SYNE1: variants seen among roughly 807,000 people sequenced by gnomAD.
SYNE1 encodes nesprin-1.
Under a neutral mutation model 1,111.0 loss-of-function variants are expected in SYNE1, and 616 were observed. The observed-to-expected ratio is 0.55, with a 90% CI of 0.52 to 0.59. SYNE1 has a LOEUF of 0.59. SYNE1 is among the 20% of genes least tolerant of loss of function. The pLI, the probability that SYNE1 is intolerant of heterozygous loss-of-function variation, is 0.00. For missense variants in SYNE1, 10,006 were observed against 10,417.0 expected, an observed-to-expected ratio of 0.96 and a Z score of 1.72; for synonymous variants, 3,855 against 3,825.8, an observed-to-expected ratio of 1.01 and a Z score of -0.28.
chr6:152,441,065 G>A (rs2098525384), intron 32 of SYNE1, 65 bp downstream of exon 32: 2 of 1,579,576 alleles, frequency 1.3e-6, no homozygotes, highest in Admixed American at 1.7e-5. Flanking sequence ...TAATGGAGGA[G>A]AAATCATTTT....
intron 14 of SYNE1, 40 bp from the exon 15 acceptor site, chr6:152,472,453 T>C: frequency 6.4e-7 from 1 of 1,568,862 alleles, no homozygotes; most frequent in Non-Finnish European, 8.8e-7. Context: ...ATGAAAAACA[T>C]GTTTCACAGA....
In SYNE1 at chr6:152,628,445, T is replaced by G. The variant is rs2099690575; in HGVS notation, c.-114A>C. 7 of 1,068,866 alleles carry G rather than the reference T, an allele frequency of 6.5e-6. No individual in the cohort carries two copies. The highest frequency in any genetic ancestry group is 3.5e-5 in the Admixed American group (2 of 56,732). 66.2% of individuals were successfully genotyped at this position (1,068,866 alleles called of 1,614,324 possible). A position where few individuals can be genotyped will look rare whatever the true frequency, so the allele number is the denominator to read the frequency against. On this transcript the variant is annotated 5_prime_UTR_variant, in exon 3 of 146. Transcript: ENST00000367255. ...TTTTCTAGATCTATTCTGTCATAAA[T>G]GAATTCCAGGCCTTTGCAGCACTCA...
Position 152,354,987 on chromosome 6 carries a change from A to G in SYNE1, c.10609-11T>C, listed in dbSNP as rs1235011042. The G allele has an allele frequency of 6.2e-7, 1 of 1,613,188 alleles. No individual in the cohort carries two copies. Among genetic ancestry groups the G allele is most frequent in the Non-Finnish European group, 8.5e-7 (1 of 1,180,026 alleles). ...GTGTACCTGTAGCTCCTGCAGAGAA[A>G]AAGGTATGGCTGTCACTCTCAATCA... is the stretch of plus-strand genomic sequence containing the variant. On this transcript the variant is annotated splice_polypyrimidine_tract_variant and intron_variant, in intron 66 of 145. Transcript: ENST00000367255.
chr6:152,404,782 G>C (rs1472335008), intron 45 of SYNE1: 2 of 154,740 alleles, frequency 1.3e-5, no homozygotes, highest in Non-Finnish European at 2.9e-5. Flanking sequence ...AAAATTTAAA[G>C]GATATTAAAG....
intron 77 of SYNE1, among the ~76,000 whole-genome samples, chr6:152,333,678 G>C (rs1256648862): frequency 6.6e-6 from 1 of 152,012 alleles, no homozygotes; most frequent in South Asian, 2.1e-4. Context: ...TGTCACCCAG[G>C]CTGGAGTACA....
Position 152,256,647 on chromosome 6 carries a change from T to G in SYNE1, c.19091A>C (p.Glu6364Ala). 1 of 1,613,692 alleles carries G rather than the reference T, an allele frequency of 6.2e-7. No homozygotes were observed. The change falls in exon 102 of 146, where the codon GAG becomes GCG. Residue 6364 changes from glutamate (E) to alanine (A), a missense_variant. Transcript: ENST00000367255. ...ACACAGCCTTACCTGGGATGAAACC[T>G]CCTCGAAGGCTTGGTTCAGTCCATC... Reference protein sequence around the residue: ...LLDGLNQAFEEVSSQSGGAKR... With the variant: ...LLDGLNQAFEAVSSQSGGAKR...
chr6:152,252,373 A>G lies in SYNE1; in HGVS notation c.19470+2507T>C, dbSNP rs9322365. On this transcript the variant is annotated intron_variant, in intron 104 of 145. Coordinates refer to ENST00000367255, the MANE Select transcript of SYNE1 (RefSeq NM_182961.4). ...AAAGAATTCTTTCATTCATTTTCCA[A>G]TTTTCAAAATAATTTACAATACACA... Among the ~76,000 whole-genome samples the G allele has an allele frequency of 2.9e-3, 437 of 152,222 alleles. 3 individuals carry two copies. Among genetic ancestry groups the G allele is most frequent in the African/African-American group, 9.6e-3 (398 of 41,548 alleles).
chr6:152,408,782 C>T (rs2097949576), intron 44 of SYNE1, among the ~76,000 whole-genome samples: 1 of 152,090 alleles, frequency 6.6e-6, no homozygotes, highest in African/African-American at 2.4e-5. Flanking sequence ...GGAGAAACCC[C>T]GTCTCTACTA....
Position 152,359,302 on chromosome 6 carries a change from T to C in SYNE1, c.10443+13A>G. On this transcript the variant is annotated intron_variant, in intron 65 of 145. Coordinates refer to ENST00000367255, the MANE Select transcript of SYNE1 (RefSeq NM_182961.4). Reference sequence around the variant, plus strand: ...CCTTTTGGTGAGTCTACAAGGAAAGTGCTTTGCCGTACCTTGGCCCTCTCT... The same window carrying C: ...CCTTTTGGTGAGTCTACAAGGAAAGCGCTTTGCCGTACCTTGGCCCTCTCT... The C allele has an allele frequency of 6.2e-7, 1 of 1,613,514 alleles. No homozygotes were observed. The highest frequency in any genetic ancestry group is 1.3e-5 in the African/African-American group (1 of 75,030).
chr6:152,396,924 T>A lies in SYNE1; in HGVS notation c.7407A>T (p.Glu2469Asp). ...ACAAATGTGCATACAAAGTTTGTCC[T>A]TCTTGAGTCACTGCATCAAGTTTGC... is the stretch of plus-strand genomic sequence containing the variant. The part of the protein sequence containing the change: ...GQSKLDAVTQ[E>D]GQTLYAHLSK... Residue 2469 changes from glutamate to aspartate, a missense_variant, in exon 50 of 146, where the codon GAA becomes GAT. Glu to Asp is a conservative substitution (Grantham distance 45). Coordinates refer to ENST00000367255, the MANE Select transcript of SYNE1 (RefSeq NM_182961.4). The A allele has an allele frequency of 1.2e-6, 2 of 1,614,202 alleles. No homozygotes were observed. Among genetic ancestry groups the A allele is most frequent in the South Asian group, 2.2e-5 (2 of 91,084 alleles).
In SYNE1 at chr6:152,208,046, A is replaced by G. The variant is rs779356589; in HGVS notation, c.22750T>C (p.Tyr7584His). ...KLRKWLVEVSYLPMSGLGSVP... is the reference protein window; with the variant it reads ...KLRKWLVEVSHLPMSGLGSVP... ...CTTCCGAGACCACTCATGGGGAGGT[A>G]GGACACTTCAACCAACCATTTACGA... Residue 7584 changes from tyrosine to histidine, a missense_variant, in exon 125 of 146, where the codon TAC (tyrosine) becomes CAC (histidine). Tyr to His is a moderately conservative substitution (Grantham distance 83). This residue lies in a region of SYNE1 where 2,182 missense variants were observed against 2,287.8 expected (regional missense o/e 0.95). Transcript: ENST00000367255. 5 of 1,614,142 alleles carry G rather than the reference A, an allele frequency of 3.1e-6. No individual in the cohort carries two copies. The East Asian group carries it at 1.1e-4, about 36-fold the overall frequency.
In SYNE1 at chr6:152,427,718, A is replaced by G; in HGVS notation, c.5075T>C (p.Val1692Ala). The G allele has an allele frequency of 6.2e-7, 1 of 1,614,122 alleles. No individual in the cohort carries two copies. Among genetic ancestry groups the G allele is most frequent in the Non-Finnish European group, 8.5e-7 (1 of 1,180,010 alleles). Residue 1692 changes from valine to alanine, a missense_variant, in exon 38 of 146, where the codon GTG becomes GCG. By Grantham distance (64) the Val-to-Ala change is moderately conservative. Coordinates refer to ENST00000367255, the MANE Select transcript of SYNE1 (RefSeq NM_182961.4). Reference protein sequence around the residue: ...EMDISADRVKVEGELQLIQAL... With the variant: ...EMDISADRVKAEGELQLIQAL... Reference sequence around the variant, plus strand: ...CTGTATTAACTGAAGTTCACCTTCCACTTTGACTCTGTCTGCAGAAATGTC... The same window carrying G: ...CTGTATTAACTGAAGTTCACCTTCCGCTTTGACTCTGTCTGCAGAAATGTC...
In SYNE1 at chr6:152,268,176, G is replaced by A; in HGVS notation, c.18706-11C>T. 1.2e-6 allele frequency: 2 copies of A among 1,607,088 alleles called. No homozygotes were observed. The highest frequency in any genetic ancestry group is 1.7e-6 in the Non-Finnish European group (2 of 1,173,612). On this transcript the variant is annotated splice_polypyrimidine_tract_variant and intron_variant, in intron 99 of 145. Coordinates refer to ENST00000367255, the MANE Select transcript of SYNE1 (RefSeq NM_182961.4). ...TTCCTGTTCTAACTCCTGCTCAAGGGAAAGGACAAACGCAAACACATTTGC... is the reference window on the plus strand; with the variant it reads ...TTCCTGTTCTAACTCCTGCTCAAGGAAAAGGACAAACGCAAACACATTTGC...
chr6:152,630,874 T>C (rs1429880641), intron 2 of SYNE1, among the ~76,000 whole-genome samples: 1 of 152,210 alleles, frequency 6.6e-6, no homozygotes, highest in Non-Finnish European at 1.5e-5. Flanking sequence ...CATAGCTTGG[T>C]AGATTAATCT....
At chr6:152,575,824 C>A (rs1033616374) in intron 3 of SYNE1, among the ~76,000 whole-genome samples, 1 of 152,120 alleles carries the variant, frequency 6.6e-6, no homozygotes, top group Non-Finnish European at 1.5e-5. Context: ...TAGCACAGTG[C>A]CTGGAATGTA....
At chr6:152,417,807 G>A (rs1372680556) in intron 40 of SYNE1, among the ~76,000 whole-genome samples, 1 of 152,046 alleles carries the variant, frequency 6.6e-6, no homozygotes, top group Non-Finnish European at 1.5e-5. Context: ...TTTAAAAGAT[G>A]TATATGTGTA....
At chr6:152,379,395 T>C (rs1395659858) in intron 56 of SYNE1, among the ~76,000 whole-genome samples, 1 of 152,146 alleles carries the variant, frequency 6.6e-6, no homozygotes, top group Non-Finnish European at 1.5e-5. Context: ...TATTATATAC[T>C]TTATAGATCA....
intron 98 of SYNE1, 28 bp downstream of exon 98, chr6:152,278,061 G>T: frequency 6.2e-7 from 1 of 1,612,854 alleles, no homozygotes; most frequent in Non-Finnish European, 8.5e-7. Flanking sequence ...CCAACTTTCA[G>T]CTGTGGGCCA....
intron 118 of SYNE1, 34 bp from the exon 119 acceptor site, chr6:152,221,080 A>C (rs1449826209): frequency 1.9e-6 from 3 of 1,599,410 alleles, no homozygotes; most frequent in Admixed American, 3.3e-5. Flanking sequence ...TGAGCAGATT[A>C]CCACCTCTCA....
Sources: allele counts gnomAD v4.1 joint callset (sites outside exome capture counted in the v4.1 genomes callset), GRCh38; gene constraint gnomAD v4.1.1; regional missense constraint gnomAD v4.1.1; transcripts MANE v1.5; gene names NCBI Gene and HGNC (gene_info 2026-07-23, HGNC 2026-07-21).